HMCN1: variants seen among roughly 807,000 people sequenced by gnomAD.
The protein encoded by HMCN1 is hemicentin-1.
HMCN1 carries 321 observed loss-of-function variants against 625.9 expected under a neutral mutation model. The ratio of observed to expected loss-of-function variants is 0.51; its 90% CI spans 0.47 to 0.56. The LOEUF (loss-of-function observed/expected upper bound fraction) is 0.56, where lower values mean the gene tolerates loss of function less well. Ranked by LOEUF, HMCN1 falls within the 20% of genes least tolerant of loss-of-function variation. The probability of loss-of-function intolerance (pLI) is 0.00; values close to 1 mark genes in which losing one functional copy is unlikely to be tolerated. For missense variants in HMCN1, 6,588 were observed against 6,887.3 expected (o/e 0.96, Z 1.54); for synonymous variants, 2,425 against 2,417.6 (o/e 1.00, Z -0.09).
intron 1 of HMCN1, among the ~76,000 whole-genome samples, chr1:185,810,637 C>T (rs950447613): frequency 6.8e-6 from 1 of 147,554 alleles, no homozygotes; most frequent in African/African-American, 2.6e-5. Context: ...AGAGTGACAA[C>T]TAAATAAATA....
chr1:186,178,507 A>T lies in HMCN1; in HGVS notation c.16035A>T (p.Gln5345His). ...TCAAGTGTATCTGTCCACCAGGACA[A>T]CATTTATTAGGGGACGGGAAATCTT... is the stretch of plus-strand genomic sequence containing the variant. Reference protein sequence around the residue: ...GSFKCICPPGQHLLGDGKSCA... With the variant: ...GSFKCICPPGHHLLGDGKSCA... The change falls in exon 104 of 107, where the codon CAA becomes CAT. Residue 5345 changes from glutamine to histidine, a missense_variant. Gln to His is a conservative substitution (Grantham distance 24). Transcript: ENST00000271588. 5 of 1,614,096 alleles carry T rather than the reference A, an allele frequency of 3.1e-6. No individual in the cohort carries two copies. The highest frequency in any genetic ancestry group is 3.4e-6 in the Non-Finnish European group (4 of 1,179,982).
intron 57 of HMCN1, among the ~76,000 whole-genome samples, chr1:186,083,864 C>G (rs1286329161): frequency 6.6e-6 from 1 of 152,120 alleles, no homozygotes; most frequent in African/African-American, 2.4e-5. Flanking sequence ...ACTGTAGATG[C>G]TTAATAAGTG....
chr1:185,953,214 G>A (rs1649365778), intron 11 of HMCN1, among the ~76,000 whole-genome samples: 1 of 151,556 alleles, frequency 6.6e-6, no homozygotes, highest in Non-Finnish European at 1.5e-5. Flanking sequence ...AGAAGGGGTT[G>A]GGATACTTGC....
At chr1:186,027,154 G>T (rs532972024) in intron 36 of HMCN1, among the ~76,000 whole-genome samples, 1 of 152,252 alleles carries the variant, frequency 6.6e-6, no homozygotes, top group East Asian at 1.9e-4. Flanking sequence ...TGGTCTCCTG[G>T]ACTAGGAGAC....
intron 100 of HMCN1, among the ~76,000 whole-genome samples, chr1:186,168,000 G>A (rs771385409): frequency 7.3e-5 from 11 of 151,226 alleles, no homozygotes; most frequent in Admixed American, 3.3e-4. Flanking sequence ...AATGACGCAT[G>A]GTACATCTAC....
In HMCN1 at chr1:185,846,044, T is replaced by C; in HGVS notation, c.287T>C (p.Ile96Thr). Residue 96 changes from isoleucine (I) to threonine (T), a missense_variant, in exon 2 of 107, where the codon ATT becomes ACT. Around this residue, in one of 3 missense-constraint regions of HMCN1, gnomAD observed 4,628 missense variants for 4,853.1 expected, o/e 0.95. Transcript: ENST00000271588. ...TTCACAGAAATTGGCCCAGTGACAATTACCACAGATCCCAAGAAATTTCAA... is the reference window on the plus strand; with the variant it reads ...TTCACAGAAATTGGCCCAGTGACAACTACCACAGATCCCAAGAAATTTCAA... ...FHDPEIGPVT[I>T]TTDPKKFQYE... is the part of the protein sequence containing the mutation. 1 of 1,611,462 alleles carries C rather than the reference T, an allele frequency of 6.2e-7. No homozygotes were observed. Among genetic ancestry groups the C allele is most frequent in the South Asian group, 1.1e-5 (1 of 91,020 alleles).
chr1:185,818,123 C>G (rs935794597), intron 1 of HMCN1, among the ~76,000 whole-genome samples: 1 of 152,112 alleles, frequency 6.6e-6, no homozygotes, highest in East Asian at 1.9e-4. Flanking sequence ...TCTATCTGCA[C>G]CTAGATATAT....
chr1:186,042,350 AATCT>A (rs1469348883), intron 40 of HMCN1, among the ~76,000 whole-genome samples: 2 of 152,174 alleles, frequency 1.3e-5, no homozygotes, highest in Non-Finnish European at 2.9e-5. Flanking sequence ...TTCATCAATC[AATCT>A]AAGTATGTAA....
intron 1 of HMCN1, among the ~76,000 whole-genome samples, chr1:185,737,905 A>C (rs1653701321): frequency 6.6e-6 from 1 of 152,192 alleles, no homozygotes; most frequent in African/African-American, 2.4e-5. Context: ...CATGGAACAC[A>C]TAGGTAGTGG....
At chr1:186,136,448 G>A (rs1056259995) in intron 86 of HMCN1, among the ~76,000 whole-genome samples, 1 of 151,990 alleles carries the variant, frequency 6.6e-6, no homozygotes, top group Non-Finnish European at 1.5e-5. Context: ...CATGCTCTAG[G>A]CTAATCTCAG....
intron 93 of HMCN1, 42 bp from the exon 94 acceptor site, chr1:186,151,158 A>T (rs1292654362): frequency 6.2e-7 from 1 of 1,608,100 alleles, no homozygotes; most frequent in Non-Finnish European, 8.5e-7. Context: ...ATGTTGATGA[A>T]ATTGCATCCT....
intron 2 of HMCN1, among the ~76,000 whole-genome samples, chr1:185,861,481 G>A (rs910850041): frequency 5.3e-5 from 8 of 152,142 alleles, no homozygotes; most frequent in East Asian, 3.9e-4. Flanking sequence ...AGTGTCATGC[G>A]CAGTTGAGGA....
chr1:185,869,668 T>C (rs1663486543), intron 4 of HMCN1, among the ~76,000 whole-genome samples: 2 of 152,206 alleles, frequency 1.3e-5, no homozygotes, highest in African/African-American at 4.8e-5. Flanking sequence ...AAGATTTTAT[T>C]AATAGGAAGC....
intron 1 of HMCN1, among the ~76,000 whole-genome samples, chr1:185,781,087 G>A (rs899382303): frequency 3.3e-5 from 5 of 152,202 alleles, no homozygotes; most frequent in Non-Finnish European, 5.9e-5. Context: ...GAAGTTGTAT[G>A]TGTCCAGGAA....
intron 1 of HMCN1, among the ~76,000 whole-genome samples, chr1:185,738,722 A>G (rs1017003783): frequency 3.9e-5 from 6 of 152,186 alleles, no homozygotes; most frequent in Non-Finnish European, 5.9e-5. Flanking sequence ...TCAATACACT[A>G]CTATTATTAT....
chr1:185,769,372 C>T (rs967994713), intron 1 of HMCN1, among the ~76,000 whole-genome samples: 27 of 151,962 alleles, frequency 1.8e-4, no homozygotes, highest in Admixed American at 5.9e-4. Context: ...TGCTTAAGCC[C>T]AGGAGGTCAA....
At chr1:185,989,890 T>G (rs996222549) in intron 21 of HMCN1, among the ~76,000 whole-genome samples, 12 of 151,966 alleles carry the variant, frequency 7.9e-5, no homozygotes, top group African/African-American at 2.9e-4. Flanking sequence ...AATTTTATGG[T>G]GTTTTCCCAA....
intron 82 of HMCN1, among the ~76,000 whole-genome samples, chr1:186,127,413 G>C (rs1011397653): frequency 3.3e-5 from 5 of 152,050 alleles, no homozygotes; most frequent in Non-Finnish European, 5.9e-5. Flanking sequence ...GAGGAGCAGA[G>C]GTTGAGCCTT....
In HMCN1 at chr1:185,778,921, A is replaced by G. The variant is rs554814849; in HGVS notation, c.268+43874A>G. On this transcript the variant is annotated intron_variant, in intron 1 of 106. Transcript: ENST00000271588. ...TTCTAGATCCTTGAGGAATTGCCAC[A>G]CTGTCTTCCACAATGGTTGAACTAG... 1.1e-4 allele frequency among the ~76,000 whole-genome samples: 17 copies of G among 152,316 alleles called. No individual in the cohort carries two copies. In the East Asian group the frequency reaches 3.3e-3, roughly 29 times the overall value.
Sources: allele counts gnomAD v4.1 joint callset (sites outside exome capture counted in the v4.1 genomes callset), GRCh38; gene constraint gnomAD v4.1.1; regional missense constraint gnomAD v4.1.1; transcripts MANE v1.5; gene names NCBI Gene and HGNC (gene_info 2026-07-23, HGNC 2026-07-21).